The following PCDH9 variants were observed in gnomAD, a reference collection of about 807,000 sequenced individuals.
PCDH9 encodes the protein protocadherin-9.
PCDH9 carries 24 observed loss-of-function variants against 70.6 expected under a neutral mutation model. The ratio of observed to expected loss-of-function variants is 0.34; its 90% confidence interval spans 0.25 to 0.48. The LOEUF (loss-of-function observed/expected upper bound fraction) is 0.48, where lower values mean the gene tolerates loss of function less well. Ranked by LOEUF, PCDH9 falls within the 20% of genes least tolerant of loss-of-function variation. The probability of loss-of-function intolerance (pLI) is 0.99; values close to 1 mark genes in which losing one functional copy is unlikely to be tolerated. For missense variants in PCDH9, 1,281 were observed against 1,503.6 expected (o/e 0.85, Z 2.45); for synonymous variants, 562 against 558.5 (o/e 1.01, Z -0.09).
intron 3 of PCDH9, among the ~76,000 whole-genome samples, chr13:66,794,136 T>C (rs2080203002): frequency 2.0e-5 from 3 of 152,118 alleles, no homozygotes; most frequent in African/African-American, 7.2e-5. Context: ...ACAAGAAAGA[T>C]AGTTTTTTTC....
At chr13:66,600,117 T>C (rs891623877) in intron 4 of PCDH9, among the ~76,000 whole-genome samples, 11 of 151,918 alleles carry the variant, frequency 7.2e-5, no homozygotes, top group Admixed American at 3.3e-4. Flanking sequence ...GGAATATGCA[T>C]TCCGGAAATA....
chr13:66,928,581 T>A lies in PCDH9; in HGVS notation c.3037-24976A>T, dbSNP rs143079490. The stretch of plus-strand genomic sequence containing the variant: ...TAGAGATGGGCCCATTGGGAGGTGA[T>A]TAGGTCATAAGGGCAGATCCCCTAT... On this transcript the variant is annotated intron_variant, in intron 2 of 4. Transcript: ENST00000377865. Among the ~76,000 whole-genome samples the A allele has an allele frequency of 1.4e-4, 22 of 152,182 alleles. No individual in the cohort carries two copies. The East Asian group carries it at 4.3e-3, about 30-fold the overall frequency.
intron 2 of PCDH9, among the ~76,000 whole-genome samples, chr13:66,930,993 G>T (rs2082798754): frequency 6.6e-6 from 1 of 152,126 alleles, no homozygotes; most frequent in East Asian, 1.9e-4. Context: ...CTTGAACAAT[G>T]CATTAAGTGG....
At chr13:66,472,223 A>G (rs866620394) in intron 4 of PCDH9, among the ~76,000 whole-genome samples, 137 of 151,332 alleles carry the variant, frequency 9.1e-4, no homozygotes, top group African/African-American at 3.2e-3. Flanking sequence ...AAAAAAAAAA[A>G]AAAAGAAAAA....
At chr13:66,675,884 T>C (rs911713367) in intron 3 of PCDH9, among the ~76,000 whole-genome samples, 1 of 152,176 alleles carries the variant, frequency 6.6e-6, no homozygotes, top group Non-Finnish European at 1.5e-5. Flanking sequence ...CGCAGAAGTA[T>C]GGCGTTGTCT....
intron 2 of PCDH9, among the ~76,000 whole-genome samples, chr13:67,172,877 C>CAAAAA (rs11407365): frequency 3.0e-5 from 3 of 99,060 alleles, no homozygotes; most frequent in Non-Finnish European, 3.7e-5. Context: ...GACTCCATCT[C>CAAAAA]AAAAAAAAAA....
intron 2 of PCDH9, among the ~76,000 whole-genome samples, chr13:67,173,885 G>C (rs1262650760): frequency 6.6e-6 from 1 of 151,944 alleles, no homozygotes; most frequent in Non-Finnish European, 1.5e-5. Flanking sequence ...TTTAAAAAGA[G>C]CATTTTGCAC....
intron 4 of PCDH9, among the ~76,000 whole-genome samples, chr13:66,395,924 C>A (rs1322934166): frequency 6.6e-6 from 1 of 152,080 alleles, no homozygotes; most frequent in African/African-American, 2.4e-5. Flanking sequence ...GTGAAAAGCA[C>A]CCTTCTAGTA....
chr13:66,614,001 G>A (rs1015904930), intron 4 of PCDH9, among the ~76,000 whole-genome samples: 2 of 152,096 alleles, frequency 1.3e-5, no homozygotes, highest in Admixed American at 6.5e-5. Context: ...TGGTAAGGCC[G>A]GGAGACATGT....
At chr13:66,722,541 G>T (rs546952681) in intron 3 of PCDH9, among the ~76,000 whole-genome samples, 5 of 152,154 alleles carry the variant, frequency 3.3e-5, no homozygotes, top group African/African-American at 7.2e-5. Flanking sequence ...GGTAGGCCAA[G>T]TAGAGTTACT....
chr13:66,378,472 A>G (rs1249528123), intron 4 of PCDH9, among the ~76,000 whole-genome samples: 1 of 152,152 alleles, frequency 6.6e-6, no homozygotes, highest in Admixed American at 6.6e-5. Flanking sequence ...CACAGACCTC[A>G]TCAGACACTA....
At chr13:66,732,598 C>T (rs959444081) in intron 3 of PCDH9, among the ~76,000 whole-genome samples, 1 of 152,002 alleles carries the variant, frequency 6.6e-6, no homozygotes, top group Non-Finnish European at 1.5e-5. Context: ...TCCTAAATAT[C>T]TACCAAGTAC....
intron 2 of PCDH9, among the ~76,000 whole-genome samples, chr13:67,078,667 C>G (rs554464396): frequency 6.6e-6 from 1 of 152,084 alleles, no homozygotes; most frequent in Non-Finnish European, 1.5e-5. Flanking sequence ...AAGTTCTTTA[C>G]TTATAGCTCT....
At chr13:67,021,068 A>C (rs2084664364) in intron 2 of PCDH9, among the ~76,000 whole-genome samples, 1 of 152,230 alleles carries the variant, frequency 6.6e-6, no homozygotes, top group Non-Finnish European at 1.5e-5. Context: ...TGTGAGAAAT[A>C]AAAGAAGCAT....
intron 2 of PCDH9, among the ~76,000 whole-genome samples, chr13:67,094,591 C>G (rs1193177202): frequency 2.6e-5 from 4 of 151,754 alleles, no homozygotes; most frequent in Non-Finnish European, 5.9e-5. Context: ...ATAAGAATAT[C>G]ATGATATAAA....
intron 4 of PCDH9, among the ~76,000 whole-genome samples, chr13:66,485,285 C>T (rs1446505339): frequency 1.3e-5 from 2 of 152,190 alleles, no homozygotes; most frequent in East Asian, 1.9e-4. Flanking sequence ...ACAGTCTTTT[C>T]ATGTACTAAT....
chr13:66,987,693 A>AC, intron 2 of PCDH9, among the ~76,000 whole-genome samples: 1 of 151,498 alleles, frequency 6.6e-6, no homozygotes. Flanking sequence ...AGATATTCCA[A>AC]TTTTTTTGTA....
chr13:66,700,923 AATATATATAT>A (rs58852431), intron 3 of PCDH9, among the ~76,000 whole-genome samples: 3,072 of 58,368 alleles, frequency 0.053, 96 homozygotes, highest in Middle Eastern at 0.083. Flanking sequence ...TGTACATATA[AATATATATAT>A]ATATATATAT....
intron 3 of PCDH9, among the ~76,000 whole-genome samples, chr13:66,702,956 T>C (rs1219053454): frequency 1.3e-5 from 2 of 152,150 alleles, no homozygotes; most frequent in African/African-American, 4.8e-5. Context: ...AAACACAAAA[T>C]GCCAAAAATA....
Sources: gnomAD v4.1 joint callset for allele counts (sites outside exome capture counted in the v4.1 genomes callset) on GRCh38, gnomAD v4.1.1 for gene constraint, MANE v1.5 for transcripts, NCBI Gene and HGNC (gene_info 2026-07-23, HGNC 2026-07-21) for gene names.